The following GLI2 variants were observed in gnomAD, a reference collection of about 807,000 sequenced individuals.
GLI2 encodes GLI family zinc finger 2, also known as transcription activator GLI2.
GLI2 carries 22 observed loss-of-function variants against 78.9 expected under a neutral mutation model. That is an observed-to-expected ratio of 0.28 (90% CI 0.20 to 0.40). The LOEUF is 0.40. GLI2 is among the 10% of genes least tolerant of loss of function. GLI2 has a pLI of 1.00. For synonymous variants in GLI2, 974 were observed against 963.7 expected (o/e 1.01, Z -0.20); for missense variants, 2,097 against 2,213.2 (o/e 0.95, Z 1.05).
intron 1 of GLI2, among the ~76,000 whole-genome samples, chr2:120,796,308 T>G (rs1487435548): frequency 1.3e-5 from 2 of 152,188 alleles, no homozygotes; most frequent in Non-Finnish European, 2.9e-5. Context: ...CACCGCCACC[T>G]GCTTAACCCA....
chr2:120,830,186 C>T (rs1686289258), intron 2 of GLI2, among the ~76,000 whole-genome samples: 1 of 152,200 alleles, frequency 6.6e-6, no homozygotes, highest in Non-Finnish European at 1.5e-5. Context: ...GGGGTGAGTG[C>T]TGGCTGGGCT....
intron 2 of GLI2, among the ~76,000 whole-genome samples, chr2:120,914,848 G>A (rs1299529906): frequency 6.6e-6 from 1 of 152,236 alleles, no homozygotes; most frequent in Non-Finnish European, 1.5e-5. Flanking sequence ...GGAAGGTTCG[G>A]TGAGTCAGCA....
At chr2:120,895,698 G>A (rs906001248) in intron 2 of GLI2, among the ~76,000 whole-genome samples, 20 of 152,066 alleles carry the variant, frequency 1.3e-4, no homozygotes, top group African/African-American at 3.9e-4. Flanking sequence ...GCGAGACTCC[G>A]TCACAAAAAA....
intron 2 of GLI2, among the ~76,000 whole-genome samples, chr2:120,868,095 G>A (rs914180798): frequency 1.3e-5 from 2 of 152,220 alleles, no homozygotes; most frequent in African/African-American, 4.8e-5. Flanking sequence ...TCTGAACTGA[G>A]AGTTTCTTCT....
chr2:120,741,574 T>G (rs1249447122), intron 1 of GLI2, among the ~76,000 whole-genome samples: 2 of 151,884 alleles, frequency 1.3e-5, no homozygotes, highest in Non-Finnish European at 2.9e-5. Flanking sequence ...TTTTCTGTCT[T>G]TTCTCATCTT....
Position 120,970,618 on chromosome 2 carries a change from C to A in GLI2, c.1059+12C>A, listed in dbSNP as rs1172379723. 6.2e-7 allele frequency: 1 copy of A among 1,606,434 alleles called. No homozygotes were observed. Among genetic ancestry groups the A allele is most frequent in the Non-Finnish European group, 8.5e-7 (1 of 1,173,124 alleles). On this transcript the variant is annotated intron_variant, in intron 7 of 13. Coordinates refer to ENST00000361492, the MANE Select transcript of GLI2 (RefSeq NM_001374353.1). The stretch of plus-strand genomic sequence containing the variant: ...GTGACACCAACCAGGTAGGTGGGTG[C>A]AGGGGCCAGGATGGCCACTGGGTAC...
At chr2:120,918,730 T>C (rs1271919985) in intron 2 of GLI2, among the ~76,000 whole-genome samples, 2 of 152,232 alleles carry the variant, frequency 1.3e-5, no homozygotes, top group Non-Finnish European at 2.9e-5. Flanking sequence ...CGTGAGCCAC[T>C]GCGCCCAGCC....
chr2:120,952,217 G>A (rs924059023), intron 4 of GLI2, among the ~76,000 whole-genome samples: 2 of 152,214 alleles, frequency 1.3e-5, no homozygotes, highest in African/African-American at 4.8e-5. Flanking sequence ...GCCCCTGAGA[G>A]CGCTGTTAGC....
intron 4 of GLI2, among the ~76,000 whole-genome samples, chr2:120,954,232 T>A (rs1347055951): frequency 6.6e-6 from 1 of 152,156 alleles, no homozygotes; most frequent in East Asian, 1.9e-4. Context: ...CGAGGCAGTG[T>A]TGGCCAGACC....
chr2:120,951,397 C>A lies in GLI2; in HGVS notation c.409C>A (p.Pro137Thr), dbSNP rs763231787. 6.2e-7 allele frequency: 1 copy of A among 1,613,592 alleles called. No individual in the cohort carries two copies. Among genetic ancestry groups the A allele is most frequent in the Non-Finnish European group, 8.5e-7 (1 of 1,179,636 alleles). The stretch of plus-strand genomic sequence containing the variant: ...CTACCTCCGTTCTGTGCACAGCAGC[C>A]CCACGCTCTCCATGATCTCTGCAGC... Reference protein sequence around the residue: ...EHYLRSVHSSPTLSMISAARG... With the variant: ...EHYLRSVHSSTTLSMISAARG... Residue 137 changes from proline to threonine, a missense_variant, in exon 4 of 14, where the codon CCC becomes ACC. Pro to Thr is a conservative substitution (Grantham distance 38, BLOSUM62 -1). Transcript: ENST00000361492.
chr2:120,894,940 GCCCGCCTCAGC>G (rs1209580212), intron 2 of GLI2, among the ~76,000 whole-genome samples: 4 of 152,162 alleles, frequency 2.6e-5, no homozygotes, highest in Non-Finnish European at 5.9e-5. Context: ...CTCGTGATCT[GCCCGCCTCAGC>G]TTCCCAAAGT....
chr2:120,903,760 A>G (rs1261938210), intron 2 of GLI2, among the ~76,000 whole-genome samples: 1 of 152,186 alleles, frequency 6.6e-6, no homozygotes, highest in Non-Finnish European at 1.5e-5. Context: ...AGTGACAAGC[A>G]GCCTTCCCAA....
chr2:120,834,904 GGCTCTGC>G lies in GLI2; in HGVS notation c.148+37437_148+37443del, dbSNP rs1340888977. On this transcript the variant is annotated intron_variant, in intron 2 of 13. Transcript: ENST00000361492. ...TGCACTCCTCATGTGGCATTTCAGG[GGCTCTGC>G]ACCCCATGTTCTCTGGGCTAAACCC... is the stretch of plus-strand genomic sequence containing the variant. Among the ~76,000 whole-genome samples the G allele has an allele frequency of 2.4e-4, 36 of 152,188 alleles. 1 individual carries two copies. The East Asian group carries it at 5.5e-3, about 23-fold the overall frequency.
chr2:120,955,475 C>A (rs1681216074), intron 5 of GLI2, 45 bp downstream of exon 5: 2 of 1,246,766 alleles, frequency 1.6e-6, no homozygotes, highest in Non-Finnish European at 2.2e-6. Context: ...TAGCAGATCT[C>A]CTCTTGAGGC....
At chr2:120,764,997 A>G (rs1190757965) in intron 1 of GLI2, among the ~76,000 whole-genome samples, 1 of 152,192 alleles carries the variant, frequency 6.6e-6, no homozygotes, top group African/African-American at 2.4e-5. Flanking sequence ...TTTGCCCAGC[A>G]GAAGTGGCAG....
chr2:120,972,109 C>T, intron 8 of GLI2, 46 bp downstream of exon 8: 3 of 1,609,588 alleles, frequency 1.9e-6, no homozygotes, highest in Non-Finnish European at 2.5e-6. Context: ...TAGGACCAGG[C>T]TTGTGGGCTG....
At chr2:120,797,159 C>A (rs186857485) in intron 1 of GLI2, 132 bp from the exon 2 acceptor site, 10 of 735,060 alleles carry the variant, frequency 1.4e-5, no homozygotes, top group South Asian at 9.2e-5. Flanking sequence ...TAATTAAACC[C>A]TCCTTCCCAA....
intron 2 of GLI2, among the ~76,000 whole-genome samples, chr2:120,854,990 C>T (rs1216840714): frequency 1.3e-5 from 2 of 152,242 alleles, no homozygotes; most frequent in East Asian, 1.9e-4. Flanking sequence ...GGCAGGAGCC[C>T]TGCACACCCT....
chr2:120,832,458 G>A (rs1470763505), intron 2 of GLI2, among the ~76,000 whole-genome samples: 1 of 152,024 alleles, frequency 6.6e-6, no homozygotes, highest in Non-Finnish European at 1.5e-5. Flanking sequence ...TCCTGATGCG[G>A]CCTGAGCCTG....
Sources: allele counts gnomAD v4.1 joint callset (sites outside exome capture counted in the v4.1 genomes callset), GRCh38; gene constraint gnomAD v4.1.1; transcripts MANE v1.5; gene names NCBI Gene and HGNC (gene_info 2026-07-23, HGNC 2026-07-21).